Variants in C10orf143 observed in about 807,000 individuals in gnomAD.
The protein encoded by C10orf143 is chromosome 10 open reading frame 143, also known as uncharacterized protein C10orf143.
chr10:130,081,995 A>T (rs1861217113), intron 1 of C10orf143, among the ~76,000 whole-genome samples: 1 of 151,706 alleles, frequency 6.6e-6, no homozygotes, highest in Admixed American at 6.6e-5. Context: ...TGAAGGAAAA[A>T]ATAAAACAAC....
At chr10:130,105,913 C>G (rs906963057) in intron 1 of C10orf143, 23 of 368,456 alleles carry the variant, frequency 6.2e-5, no homozygotes, top group Non-Finnish European at 1.0e-4. Context: ...CCAGCTCCCC[C>G]CCGCAGCCGG....
Position 130,038,346 on chromosome 10 carries a change from A to C in C10orf143, c.298-2376T>G, listed in dbSNP as rs184739146. Among the ~76,000 whole-genome samples the C allele has an allele frequency of 5.4e-4, 82 of 152,258 alleles. No homozygotes were observed. In the East Asian group the frequency reaches 0.012, roughly 22 times the overall value. On this transcript the variant is annotated intron_variant and NMD_transcript_variant, in intron 3 of 5. Coordinates refer to the C10orf143 transcript ENST00000643056. ...GGGAGAGAAATGCAGTAAATGGAGAATAACAGGCCGTTGTCCAGGCAAGGC... is the reference window on the plus strand; with the variant it reads ...GGGAGAGAAATGCAGTAAATGGAGACTAACAGGCCGTTGTCCAGGCAAGGC...
intron 3 of C10orf143, among the ~76,000 whole-genome samples, chr10:130,040,918 C>G (rs1326501029): frequency 6.6e-6 from 1 of 152,074 alleles, no homozygotes; most frequent in African/African-American, 2.4e-5. Context: ...CTTCAGGAAG[C>G]TACACTGGCC....
intron 1 of C10orf143, among the ~76,000 whole-genome samples, chr10:130,095,239 T>C (rs1353419723): frequency 5.3e-5 from 8 of 151,564 alleles, no homozygotes; most frequent in Non-Finnish European, 1.2e-4. Flanking sequence ...TTACAAGGGA[T>C]GTGAAGGACC....
intron 1 of C10orf143, chr10:130,106,131 G>C (rs1193385372): frequency 1.4e-6 from 1 of 723,832 alleles, no homozygotes; most frequent in Non-Finnish European, 2.5e-6. Context: ...CTGCCTGAAA[G>C]TATGAGACTG....
intron 1 of C10orf143, chr10:130,108,249 C>A (rs189223394): frequency 2.6e-6 from 4 of 1,558,432 alleles, no homozygotes; most frequent in Admixed American, 1.7e-5. Context: ...TATTTTCCAC[C>A]AGGGGATTTC....
chr10:130,053,655 C>T (rs1389689739), intron 3 of C10orf143, among the ~76,000 whole-genome samples: 3 of 152,226 alleles, frequency 2.0e-5, no homozygotes, highest in Non-Finnish European at 4.4e-5. Flanking sequence ...TTGCGGGTAG[C>T]ACAGCAGCCA....
intron 3 of C10orf143, among the ~76,000 whole-genome samples, chr10:130,071,642 T>G (rs1041414801): frequency 4.6e-5 from 7 of 152,376 alleles, no homozygotes; most frequent in African/African-American, 1.7e-4. Flanking sequence ...ATATTTTTTT[T>G]TTGAGACACA....
intron 1 of C10orf143, among the ~76,000 whole-genome samples, chr10:130,101,861 AAACC>A (rs1266759963): frequency 0.19 from 7,426 of 38,524 alleles, 2,130 homozygotes; most frequent in Non-Finnish European, 0.24. Context: ...AAAAAAAAAA[AAACC>A]AAAAAAAAAA....
chr10:130,075,456 C>T (rs1318606604), intron 3 of C10orf143, among the ~76,000 whole-genome samples: 1 of 152,204 alleles, frequency 6.6e-6, no homozygotes, highest in African/African-American at 2.4e-5. Context: ...GAAACAGCAA[C>T]TTTCCTCCCC....
chr10:130,107,129 T>C (rs1282949350), intron 1 of C10orf143: 1 of 1,603,784 alleles, frequency 6.2e-7, no homozygotes, highest in Non-Finnish European at 8.5e-7. Flanking sequence ...ACAAGCATCT[T>C]TGCAGTCAGA....
intron 3 of C10orf143, among the ~76,000 whole-genome samples, chr10:130,042,774 G>T (rs1860622216): frequency 6.6e-6 from 1 of 152,262 alleles, no homozygotes; most frequent in African/African-American, 2.4e-5. Flanking sequence ...GGTGGAAACT[G>T]AAAACACAAG....
At chr10:130,095,018 T>A (rs530613635) in intron 1 of C10orf143, among the ~76,000 whole-genome samples, 1 of 152,304 alleles carries the variant, frequency 6.6e-6, no homozygotes, top group East Asian at 1.9e-4. Flanking sequence ...GATAAGCAAC[T>A]TCAGCAAAGT....
At chr10:130,052,307 G>A (rs1207900626) in intron 3 of C10orf143, among the ~76,000 whole-genome samples, 1 of 152,128 alleles carries the variant, frequency 6.6e-6, no homozygotes, top group African/African-American at 2.4e-5. Flanking sequence ...CCCCACACAG[G>A]ACAGCGGTCA....
Position 130,056,355 on chromosome 10 carries a change from G to A in C10orf143, c.298-20385C>T, listed in dbSNP as rs991654064. On this transcript the variant is annotated intron_variant and NMD_transcript_variant, in intron 3 of 5. Coordinates refer to the C10orf143 transcript ENST00000643056. This position sits in a 1 kb window ranked among gnomAD's most constrained non-coding sequence, Gnocchi z 4.6. ...GGGGTGCCGTCATGAGCAGGATGAGGGCAGCACCCCTGAGAGCCGCTGCAT... is the reference window on the plus strand; with the variant it reads ...GGGGTGCCGTCATGAGCAGGATGAGAGCAGCACCCCTGAGAGCCGCTGCAT... Among the ~76,000 whole-genome samples the A allele has an allele frequency of 6.6e-6, 1 of 152,076 alleles. No individual in the cohort carries two copies. Among genetic ancestry groups the A allele is most frequent in the Non-Finnish European group, 1.5e-5 (1 of 68,018 alleles).
intron 1 of C10orf143, among the ~76,000 whole-genome samples, chr10:130,108,707 A>T (rs1318084024): frequency 6.6e-6 from 1 of 152,216 alleles, no homozygotes; most frequent in Non-Finnish European, 1.5e-5. Flanking sequence ...AGTTTTACGT[A>T]TGTAATCTTG....
At chr10:130,097,618 A>G (rs149305801) in intron 1 of C10orf143, among the ~76,000 whole-genome samples, 1 of 152,352 alleles carries the variant, frequency 6.6e-6, no homozygotes, top group African/African-American at 2.4e-5. Context: ...ATGTTCACAC[A>G]ATGATCGGTA....
At chr10:130,099,526 ATTTATTT>A (rs1861514147) in intron 1 of C10orf143, among the ~76,000 whole-genome samples, 2 of 20,646 alleles carry the variant, frequency 9.7e-5, no homozygotes, top group African/African-American at 2.7e-4. Context: ...TTATTTATTT[ATTTATTT>A]ATTTATTTAT....
At chr10:130,096,325 G>A (rs937986101) in intron 1 of C10orf143, among the ~76,000 whole-genome samples, 1 of 151,758 alleles carries the variant, frequency 6.6e-6, no homozygotes, top group Admixed American at 6.6e-5. Context: ...AAATAGGAAC[G>A]TTTTTACACT....
Sources: allele counts gnomAD v4.1 joint callset (sites outside exome capture counted in the v4.1 genomes callset), GRCh38; gene constraint gnomAD v4.1.1; non-coding constraint Gnocchi (gnomAD v3.1); transcripts MANE v1.5; gene names NCBI Gene and HGNC (gene_info 2026-07-23, HGNC 2026-07-21).